Variants in COL20A1 observed in about 807,000 individuals in gnomAD.
The protein encoded by COL20A1 is collagen alpha-1(XX) chain.
COL20A1 carries 164 observed loss-of-function variants against 152.9 expected under a neutral mutation model. That is an observed-to-expected ratio of 1.07 (90% CI 0.94 to 1.22). The LOEUF is 1.22. Among genes scored for constraint, COL20A1 ranks in the 50% most tolerant of loss-of-function variants. The pLI, the probability that COL20A1 is intolerant of heterozygous loss-of-function variation, is 0.00. For missense variants in COL20A1, 1,873 were observed against 1,744.8 expected, an observed-to-expected ratio of 1.07 and a Z score of -1.31; for synonymous variants, 864 against 756.0, an observed-to-expected ratio of 1.14 and a Z score of -2.34.
chr20:63,328,263 C>G, intron 33 of COL20A1, 68 bp from the exon 34 acceptor site: 1 of 1,558,930 alleles, frequency 6.4e-7, no homozygotes, highest in Non-Finnish European at 8.8e-7. Flanking sequence ...GGTGTCCTGG[C>G]GTGGCCTGCA....
chr20:63,322,124 GA>G lies in COL20A1; in HGVS notation c.3294+14del. The stretch of plus-strand genomic sequence containing the variant: ...CCCAGGGCCCAGGGTAAGTTTTGGG[GA>G]GCCCTGGGAGGTGAGGGGCCTGGAT... On this transcript the variant is annotated intron_variant, in intron 27 of 35. Transcript: ENST00000358894. The G allele has an allele frequency of 6.7e-7, 1 of 1,495,738 alleles. No homozygotes were observed. The highest frequency in any genetic ancestry group is 8.9e-7 in the Non-Finnish European group (1 of 1,126,508). 92.7% of individuals were successfully genotyped at this position (1,495,738 alleles called of 1,614,324 possible).
chr20:63,307,128 G>A lies in COL20A1; in HGVS notation c.497-362G>A, dbSNP rs376919707. Among the ~76,000 whole-genome samples the A allele has an allele frequency of 3.1e-3, 475 of 152,340 alleles. 1 individual carries two copies. Among genetic ancestry groups the A allele is most frequent in the African/African-American group, 0.01 (417 of 41,586 alleles). ...GGGATGGCGGCTTTGCCTCCACAGC[G>A]CCGCGCTGCGGTGCTCACGGCGGCT... On this transcript the variant is annotated intron_variant, in intron 5 of 35. Transcript: ENST00000358894.
At chr20:63,328,983 G>A (rs1261086625) in intron 34 of COL20A1, among the ~76,000 whole-genome samples, 1 of 152,206 alleles carries the variant, frequency 6.6e-6, no homozygotes, top group Non-Finnish European at 1.5e-5. Context: ...CTTGGACGCT[G>A]AGATGGAGGA....
In COL20A1 at chr20:63,298,606, G is replaced by A. The variant is rs553537466; in HGVS notation, c.193+586G>A. ...CCCGGTCCATATTTTTTAAAGAAAC[G>A]ACTCCCTCCTCAGAACGAGTCTCAA... On this transcript the variant is annotated intron_variant, in intron 3 of 35. Transcript: ENST00000358894. Among the ~76,000 whole-genome samples the A allele has an allele frequency of 1.3e-3, 199 of 152,158 alleles. 1 individual carries two copies. Among genetic ancestry groups the A allele is most frequent in the African/African-American group, 4.6e-3 (193 of 41,510 alleles).
rs1303624224 is a variant in COL20A1 at position 63,309,946 on chromosome 20, GC to G, written c.1263+33del. The G allele has an allele frequency of 3.8e-6, 6 of 1,562,562 alleles. No homozygotes were observed. The Admixed American group carries it at 7.5e-5, about 19-fold the overall frequency. ...GGGGCCGGTATACAGGGCTCCCCGAGCCGGTCCTCAGCCGTAGTGAGATCTG... is the reference window on the plus strand; with the variant it reads ...GGGGCCGGTATACAGGGCTCCCCGAGCGGTCCTCAGCCGTAGTGAGATCTG... On this transcript the variant is annotated intron_variant, in intron 10 of 35. Transcript: ENST00000358894.
chr20:63,309,345 C>A lies in COL20A1; in HGVS notation c.953C>A (p.Ala318Asp). The A allele has an allele frequency of 2.0e-6, 3 of 1,498,560 alleles. No homozygotes were observed. Among genetic ancestry groups the A allele is most frequent in the Non-Finnish European group, 2.7e-6 (3 of 1,117,296 alleles). 92.8% of individuals were successfully genotyped at this position (1,498,560 alleles called of 1,614,324 possible). ...TCCTCACGAGCAGGTGTGAAGAACG[C>A]CGATGAGGCTGAGCTGAGGCTCCTG... ...VNVFAVGVKN[A>D]DEAELRLLAS... The change falls in exon 9 of 36, where the codon GCC becomes GAC. Residue 318 changes from alanine to aspartate, a missense_variant. Transcript: ENST00000358894.
In COL20A1 at chr20:63,311,452, C is replaced by T. The variant is rs749870830; in HGVS notation, c.1452C>T (p.His484=). ...TLAAVTPRTV[H]LTWQPSAGAT... is the part of the protein sequence containing the mutation. ...CCGCAGTGACGCCCAGAACCGTCCA[C>T]CTCACCTGGCAGCCCTCGGCCGGGG... Residue 484 remains histidine, a synonymous_variant, in exon 12 of 36, where the codon CAC becomes CAT. Transcript: ENST00000358894. This position sits in a 1 kb window ranked among gnomAD's most constrained non-coding sequence, Gnocchi z 4.4. 42 of 1,574,588 alleles carry T rather than the reference C, an allele frequency of 2.7e-5. No homozygotes were observed. The African/African-American group carries it at 5.2e-4, about 20-fold the overall frequency.
rs956791389 is a variant in COL20A1, at chr20:63,306,974, C to A, written c.497-516C>A. 6.6e-6 allele frequency among the ~76,000 whole-genome samples: 1 copy of A among 152,216 alleles called. No individual in the cohort carries two copies. Among genetic ancestry groups the A allele is most frequent in the African/African-American group, 2.4e-5 (1 of 41,474 alleles). The stretch of plus-strand genomic sequence containing the variant: ...CTCAGGGCAGCTGGGCCTCTTCGGT[C>A]GCCCCACGGGGGGCTCCACCGTGAT... On this transcript the variant is annotated intron_variant, in intron 5 of 35. Coordinates refer to ENST00000358894, the MANE Select transcript of COL20A1 (RefSeq NM_020882.4). The surrounding 1 kb of genome is among the most constrained non-coding windows in gnomAD (Gnocchi z 6.9).
intron 26 of COL20A1, 119 bp from the exon 27 acceptor site, chr20:63,321,939 T>G: frequency 1.4e-6 from 1 of 717,664 alleles, no homozygotes; most frequent in African/African-American, 1.9e-5. Flanking sequence ...GTGGACAGTC[T>G]GGGGCTGGGT....
At position 63,313,516 on chromosome 20, in the gene COL20A1, G is replaced by T. The variant is rs1266819017; in HGVS notation, c.2210-227G>T. Among the ~76,000 whole-genome samples the T allele has an allele frequency of 1.3e-5, 2 of 152,262 alleles. No homozygotes were observed. Among genetic ancestry groups the T allele is most frequent in the East Asian group, 3.9e-4 (2 of 5,178 alleles). The stretch of plus-strand genomic sequence containing the variant: ...AGCCCTGGTTGGGGGTATGGTGAGG[G>T]CCCTGGCAGGTGGCGTGGTGTGGGT... On this transcript the variant is annotated intron_variant, in intron 17 of 35. Transcript: ENST00000358894. The surrounding 1 kb of genome is among the most constrained non-coding windows in gnomAD (Gnocchi z 5.9).
chr20:63,297,100 C>T (rs1257891688), intron 2 of COL20A1, among the ~76,000 whole-genome samples: 3 of 152,174 alleles, frequency 2.0e-5, no homozygotes, highest in Non-Finnish European at 2.9e-5. Flanking sequence ...CCAACGTGCA[C>T]ACACGTGCCA....
At chr20:63,304,157 GTT>G in intron 3 of COL20A1, among the ~76,000 whole-genome samples, 1 of 141,328 alleles carries the variant, frequency 7.1e-6, no homozygotes. Flanking sequence ...GCAGGTGTGG[GTT>G]CCTCCCTCCC....
intron 27 of COL20A1, among the ~76,000 whole-genome samples, chr20:63,322,959 C>T (rs1368054945): frequency 1.3e-5 from 2 of 152,232 alleles, no homozygotes; most frequent in Non-Finnish European, 2.9e-5. Flanking sequence ...CTAGGACAGT[C>T]GCTGGGTGGA....
At chr20:63,318,560 T>A (rs1386309599) in intron 21 of COL20A1, among the ~76,000 whole-genome samples, 1 of 152,072 alleles carries the variant, frequency 6.6e-6, no homozygotes, top group African/African-American at 2.4e-5. Context: ...GGGGAGCTGC[T>A]CCCGAGAGCA....
chr20:63,304,892 G>A (rs1253880740), intron 3 of COL20A1, among the ~76,000 whole-genome samples: 1 of 152,216 alleles, frequency 6.6e-6, no homozygotes, highest in African/African-American at 2.4e-5. Context: ...TTTCCTCTGA[G>A]AATATGGCAG....
chr20:63,315,318 C>A (rs2123411806), intron 19 of COL20A1, 86 bp from the exon 20 acceptor site: 1 of 1,305,812 alleles, frequency 7.7e-7, no homozygotes, highest in African/African-American at 1.5e-5. Context: ...GGGGCATCGT[C>A]CATGAAGTGG....
At chr20:63,324,015 T>C (rs985287785) in intron 27 of COL20A1, among the ~76,000 whole-genome samples, 13 of 152,372 alleles carry the variant, frequency 8.5e-5, no homozygotes, top group South Asian at 2.1e-4. Flanking sequence ...TCACAGGGCC[T>C]GTTGTGGCCC....
chr20:63,293,563 G>A (rs1028728692), intron 1 of COL20A1, among the ~76,000 whole-genome samples: 1 of 152,138 alleles, frequency 6.6e-6, no homozygotes, highest in African/African-American at 2.4e-5. Flanking sequence ...CGAGCAGAGA[G>A]CGGCTTGCAC....
chr20:63,308,581 C>A lies in COL20A1; in HGVS notation c.815C>A (p.Pro272Gln), dbSNP rs762652815. The change falls in exon 8 of 36, where the codon CCG (proline) becomes CAG (glutamine). Residue 272 changes from proline (P) to glutamine (Q), a missense_variant. Coordinates refer to ENST00000358894, the MANE Select transcript of COL20A1 (RefSeq NM_020882.4). Reference sequence around the variant, plus strand: ...CACGTGCTGGGGCAGAACCTGCAGCCGGCGGCTGGCCTCCGTCCAGAGGCA... The same window carrying A: ...CACGTGCTGGGGCAGAACCTGCAGCAGGCGGCTGGCCTCCGTCCAGAGGCA... ...LTHVLGQNLQ[P>Q]AAGLRPEAAK... 13 of 1,604,866 alleles carry A rather than the reference C, an allele frequency of 8.1e-6. No individual in the cohort carries two copies. Among genetic ancestry groups the A allele is most frequent in the Middle Eastern group, 3.3e-4 (2 of 6,062 alleles).
Sources: allele counts gnomAD v4.1 joint callset (sites outside exome capture counted in the v4.1 genomes callset), GRCh38; gene constraint gnomAD v4.1.1; non-coding constraint Gnocchi (gnomAD v3.1); transcripts MANE v1.5; gene names NCBI Gene and HGNC (gene_info 2026-07-23, HGNC 2026-07-21).